TRIM44: variants seen among roughly 807,000 people sequenced by gnomAD.
TRIM44 encodes the protein tripartite motif containing 44, also known as tripartite motif-containing protein 44.
A neutral mutation model predicts 37.4 loss-of-function variants in TRIM44; 13 were observed. That is an observed-to-expected ratio of 0.35 (90% CI 0.23 to 0.55). The LOEUF (loss-of-function observed/expected upper bound fraction) is 0.55. Ranked by LOEUF, TRIM44 falls within the 20% of genes least tolerant of loss-of-function variation. The pLI, the probability that TRIM44 is intolerant of heterozygous loss-of-function variation, is 0.89. For missense variants in TRIM44, 426 were observed against 437.2 expected (o/e 0.97, Z 0.23); for synonymous variants, 175 against 157.2 (o/e 1.11, Z -0.85).
At chr11:35,719,983 C>T (rs1161678688) in intron 2 of TRIM44, among the ~76,000 whole-genome samples, 1 of 152,098 alleles carries the variant, frequency 6.6e-6, no homozygotes, top group Admixed American at 6.5e-5. Context: ...GGCAGTTCTT[C>T]GGCTTTGTTC....
At chr11:35,679,012 GAT>G (rs1352689214) in intron 1 of TRIM44, among the ~76,000 whole-genome samples, 1 of 149,164 alleles carries the variant, frequency 6.7e-6, no homozygotes, top group African/African-American at 2.5e-5. Context: ...TTAGAAGAAT[GAT>G]ATCAACACAA....
Position 35,683,881 on chromosome 11 carries a change from A to G in TRIM44, c.670-1378A>G, listed in dbSNP as rs11823662. 1.8e-3 allele frequency among the ~76,000 whole-genome samples: 281 copies of G among 152,118 alleles called. 2 individuals are homozygous for G. Among genetic ancestry groups the G allele is most frequent in the African/African-American group, 6.5e-3 (270 of 41,492 alleles). Reference sequence around the variant, plus strand: ...CAAAAAAATACAGTTCTTACCCTTAAGGAACTGAAAATATCACGAGGGAGA... The same window carrying G: ...CAAAAAAATACAGTTCTTACCCTTAGGGAACTGAAAATATCACGAGGGAGA... On this transcript the variant is annotated intron_variant, in intron 1 of 4. Coordinates refer to ENST00000299413, the MANE Select transcript of TRIM44 (RefSeq NM_017583.6).
intron 4 of TRIM44, among the ~76,000 whole-genome samples, chr11:35,770,123 A>G (rs917853640): frequency 1.3e-5 from 2 of 152,238 alleles, no homozygotes; most frequent in Non-Finnish European, 1.5e-5. Context: ...TGTACCCAGT[A>G]TTCAGCTCCC....
chr11:35,681,952 CTTTTTTTTTTTT>C (rs35760830), intron 1 of TRIM44, among the ~76,000 whole-genome samples: 4 of 101,366 alleles, frequency 3.9e-5, no homozygotes, highest in Admixed American at 2.6e-4. Flanking sequence ...ATGTCCCATA[CTTTTTTTTTTTT>C]TTTTTTTTTT....
chr11:35,745,277 G>A (rs1450977436), intron 4 of TRIM44, among the ~76,000 whole-genome samples: 3 of 152,170 alleles, frequency 2.0e-5, no homozygotes, highest in Non-Finnish European at 4.4e-5. Context: ...TTTCTCTAAT[G>A]ATCAGTGATA....
intron 4 of TRIM44, among the ~76,000 whole-genome samples, chr11:35,798,070 A>G (rs1462576963): frequency 6.6e-5 from 10 of 152,210 alleles, no homozygotes; most frequent in East Asian, 1.9e-4. Context: ...ACTTCAATCA[A>G]TATATGTAAG....
chr11:35,802,666 A>T (rs555314044), intron 4 of TRIM44, among the ~76,000 whole-genome samples: 5 of 152,312 alleles, frequency 3.3e-5, no homozygotes, highest in African/African-American at 1.2e-4. Context: ...AAACTAGATC[A>T]GTGACCGAGC....
intron 2 of TRIM44, among the ~76,000 whole-genome samples, chr11:35,688,981 GA>G (rs1851612015): frequency 6.6e-6 from 1 of 152,048 alleles, no homozygotes; most frequent in African/African-American, 2.4e-5. Flanking sequence ...TTCAACTTTG[GA>G]AAAAAGGTAG....
intron 4 of TRIM44, 24 bp from the exon 5 acceptor site, chr11:35,806,334 C>T: frequency 6.2e-7 from 1 of 1,613,480 alleles, no homozygotes; most frequent in Non-Finnish European, 8.5e-7. Context: ...TCTTAACTCA[C>T]CTGGTTCTCC....
chr11:35,746,272 TC>T (rs1852489347), intron 4 of TRIM44, among the ~76,000 whole-genome samples: 1 of 152,164 alleles, frequency 6.6e-6, no homozygotes. Context: ...AAATTTGATG[TC>T]CTTGGTTATG....
chr11:35,792,789 T>A (rs1853232307), intron 4 of TRIM44, among the ~76,000 whole-genome samples: 1 of 152,204 alleles, frequency 6.6e-6, no homozygotes, highest in Non-Finnish European at 1.5e-5. Context: ...CCTGAACCTC[T>A]GGAGGCTGCA....
At chr11:35,783,246 C>T (rs1480147373) in intron 4 of TRIM44, among the ~76,000 whole-genome samples, 1 of 152,188 alleles carries the variant, frequency 6.6e-6, no homozygotes, top group African/African-American at 2.4e-5. Flanking sequence ...ATTCAAACTT[C>T]ATTTCTCCAG....
intron 1 of TRIM44, among the ~76,000 whole-genome samples, chr11:35,675,722 A>G (rs917741395): frequency 5.9e-5 from 9 of 151,942 alleles, no homozygotes; most frequent in Admixed American, 2.0e-4. Context: ...GGGTTTCACT[A>G]TTTTGGCCAG....
chr11:35,683,956 C>CA (rs781759258), intron 1 of TRIM44, among the ~76,000 whole-genome samples: 5 of 151,984 alleles, frequency 3.3e-5, no homozygotes, highest in Non-Finnish European at 7.4e-5. Flanking sequence ...TACCATGTGC[C>CA]AGGCTCTGTT....
intron 2 of TRIM44, among the ~76,000 whole-genome samples, chr11:35,693,218 G>A (rs1010899747): frequency 1.6e-4 from 24 of 152,148 alleles, no homozygotes; most frequent in African/African-American, 5.8e-4. Context: ...TATTAAGTTA[G>A]GTTGTAGTTC....
At chr11:35,677,457 C>A (rs1851471056) in intron 1 of TRIM44, among the ~76,000 whole-genome samples, 1 of 151,580 alleles carries the variant, frequency 6.6e-6, no homozygotes, top group Non-Finnish European at 1.5e-5. Flanking sequence ...TAGGTCAATA[C>A]CTGATACTTA....
rs1297305049 is a variant in TRIM44 at position 35,662,936 on chromosome 11, G to A, written c.-176G>A. 13 of 1,137,784 alleles carry A rather than the reference G, an allele frequency of 1.1e-5. No homozygotes were observed. The Admixed American group carries it at 3.5e-4, about 31-fold the overall frequency. 70.5% of individuals were successfully genotyped at this position (1,137,784 alleles called of 1,614,324 possible). Reference sequence around the variant, plus strand: ...CGAGCCGGCGGAAAGGGTCTTTGCTGCTGCGCCCGGGCAGGGGCTGCCGCG... The same window carrying A: ...CGAGCCGGCGGAAAGGGTCTTTGCTACTGCGCCCGGGCAGGGGCTGCCGCG... On this transcript the variant is annotated 5_prime_UTR_variant, in exon 1 of 5. Coordinates refer to ENST00000299413, the MANE Select transcript of TRIM44 (RefSeq NM_017583.6).
intron 4 of TRIM44, among the ~76,000 whole-genome samples, chr11:35,769,298 C>T (rs1334255157): frequency 2.6e-5 from 4 of 152,112 alleles, no homozygotes; most frequent in Non-Finnish European, 5.9e-5. Context: ...TGTCTTGGGA[C>T]TTTTTTCTTA....
At chr11:35,793,264 C>T (rs986719173) in intron 4 of TRIM44, among the ~76,000 whole-genome samples, 6 of 151,964 alleles carry the variant, frequency 3.9e-5, no homozygotes, top group Non-Finnish European at 5.9e-5. Context: ...ATGGCTCACA[C>T]GTGTAATCCC....
Sources: allele counts gnomAD v4.1 joint callset (sites outside exome capture counted in the v4.1 genomes callset), GRCh38; gene constraint gnomAD v4.1.1; transcripts MANE v1.5; gene names NCBI Gene and HGNC (gene_info 2026-07-23, HGNC 2026-07-21).